Variants in FRMD4A observed in about 807,000 individuals in gnomAD.
The protein encoded by FRMD4A is FERM domain-containing protein 4A.
In FRMD4A, 29 loss-of-function variants were observed where a neutral mutation model predicts 129.1. The ratio of observed to expected loss-of-function variants is 0.22; its 90% confidence interval spans 0.17 to 0.31. The LOEUF (loss-of-function observed/expected upper bound fraction) is 0.31, where lower values mean the gene tolerates loss of function less well. Among genes scored for constraint, FRMD4A ranks in the 10% least tolerant of loss-of-function variants. The probability of loss-of-function intolerance (pLI) is 1.00; values close to 1 mark genes in which losing one functional copy is unlikely to be tolerated. For missense variants in FRMD4A, 1,272 were observed against 1,375.8 expected (o/e 0.92, Z 1.19); for synonymous variants, 634 against 571.6 (o/e 1.11, Z -1.56).
intron 2 of FRMD4A, among the ~76,000 whole-genome samples, chr10:14,208,035 G>A (rs7078792): frequency 0.35 from 53,143 of 151,564 alleles, 9,377 homozygotes; most frequent in East Asian, 0.43. Context: ...CATCTCTACA[G>A]AAAATGCAAA....
intron 2 of FRMD4A, among the ~76,000 whole-genome samples, chr10:14,273,273 T>G (rs1845227782): frequency 6.6e-6 from 1 of 151,976 alleles, no homozygotes; most frequent in Non-Finnish European, 1.5e-5. Flanking sequence ...AAAATATATA[T>G]ATCTTTTTAG....
chr10:13,961,363 C>G (rs2447027), intron 2 of FRMD4A, among the ~76,000 whole-genome samples: 1 of 151,950 alleles, frequency 6.6e-6, no homozygotes, highest in Non-Finnish European at 1.5e-5. Flanking sequence ...TGAGGCTGGG[C>G]GGTGAGGCTT....
At position 13,817,327 on chromosome 10, in the gene FRMD4A, C is replaced by A. The variant is rs1299315168; in HGVS notation, c.112-6419G>T. ...GAACACTGGATGATTCCAGTGGGAA[C>A]TGTTCACGTTCCCAGCATATTACAG... On this transcript the variant is annotated intron_variant, in intron 3 of 24. Transcript: ENST00000357447. 3.9e-5 allele frequency among the ~76,000 whole-genome samples: 6 copies of A among 152,236 alleles called. No homozygotes were observed. The East Asian group carries it at 1.2e-3, about 29-fold the overall frequency.
intron 2 of FRMD4A, among the ~76,000 whole-genome samples, chr10:14,039,399 C>CTATCTATCTATCTATCT (rs1555021803): frequency 5.8e-4 from 83 of 143,218 alleles, no homozygotes; most frequent in East Asian, 2.0e-3. Context: ...TCCATCCATC[C>CTATCTATCTATCTATCT]ATCCATCCAT....
intron 2 of FRMD4A, among the ~76,000 whole-genome samples, chr10:13,966,848 G>C (rs548694904): frequency 1.3e-5 from 2 of 152,348 alleles, no homozygotes; most frequent in South Asian, 2.1e-4. Flanking sequence ...TCAATGAGTG[G>C]ATAAAGAGAT....
intron 2 of FRMD4A, among the ~76,000 whole-genome samples, chr10:14,107,163 C>T (rs1023246282): frequency 1.7e-4 from 26 of 152,002 alleles, no homozygotes; most frequent in Middle Eastern, 3.2e-3. Context: ...TACTCATGGA[C>T]ATAAAGATGG....
chr10:13,771,780 C>G (rs1413558078), intron 6 of FRMD4A, among the ~76,000 whole-genome samples: 1 of 151,930 alleles, frequency 6.6e-6, no homozygotes, highest in Non-Finnish European at 1.5e-5. Context: ...GATGAATGTC[C>G]CTAAAGAGTG....
At chr10:13,966,311 A>C (rs1224207657) in intron 2 of FRMD4A, among the ~76,000 whole-genome samples, 1 of 151,948 alleles carries the variant, frequency 6.6e-6, no homozygotes, top group African/African-American at 2.4e-5. Flanking sequence ...ATTTTTAATG[A>C]TTTTCCTTTT....
chr10:13,832,874 A>G (rs539606321), intron 3 of FRMD4A, among the ~76,000 whole-genome samples: 1 of 152,188 alleles, frequency 6.6e-6, no homozygotes, highest in Admixed American at 6.5e-5. Flanking sequence ...TCCTAGCCTC[A>G]AGCAATCCTC....
chr10:13,987,628 C>A (rs552752585), intron 2 of FRMD4A, among the ~76,000 whole-genome samples: 1 of 152,244 alleles, frequency 6.6e-6, no homozygotes, highest in African/African-American at 2.4e-5. Context: ...GCCAACAGAG[C>A]ATTTTGACTC....
intron 3 of FRMD4A, among the ~76,000 whole-genome samples, chr10:13,843,825 G>C (rs1264679374): frequency 6.6e-6 from 1 of 152,130 alleles, no homozygotes; most frequent in Non-Finnish European, 1.5e-5. Context: ...ACATTATTGT[G>C]CAAGGAGGTG....
At chr10:13,655,660 T>C (rs1001946963) in intron 22 of FRMD4A, 2 of 152,180 alleles carry the variant, frequency 1.3e-5, no homozygotes, top group Admixed American at 1.3e-4. Flanking sequence ...TCTCCTACAG[T>C]TCCCCAAAGA....
At chr10:14,155,472 G>A (rs531398335) in intron 2 of FRMD4A, among the ~76,000 whole-genome samples, 1 of 152,252 alleles carries the variant, frequency 6.6e-6, no homozygotes, top group African/African-American at 2.4e-5. Context: ...TAAAACTCCA[G>A]GGCTTAGCGT....
chr10:14,177,900 T>A (rs1841787831), intron 2 of FRMD4A, among the ~76,000 whole-genome samples: 1 of 152,174 alleles, frequency 6.6e-6, no homozygotes, highest in South Asian at 2.1e-4. Context: ...TGACGAAACC[T>A]CTGGAATCAA....
rs533898629 is a variant in FRMD4A, at chr10:13,814,487, C to G, written c.112-3579G>C. 5.6e-5 allele frequency among the ~76,000 whole-genome samples: 8 copies of G among 143,570 alleles called. No homozygotes were observed. The South Asian group carries it at 1.8e-3, about 32-fold the overall frequency. 94.2% of individuals were successfully genotyped at this position (143,570 alleles called of 152,430 possible). On this transcript the variant is annotated intron_variant, in intron 3 of 24. Transcript: ENST00000357447. ...TCCTAGCTATTCAGGAAGCTCAGAC[C>G]GGAGGATTGCTTGAGTCCAGGAAAT... is the stretch of plus-strand genomic sequence containing the variant.
At chr10:14,267,710 A>T (rs1045935739) in intron 2 of FRMD4A, among the ~76,000 whole-genome samples, 1 of 152,182 alleles carries the variant, frequency 6.6e-6, no homozygotes, top group Non-Finnish European at 1.5e-5. Context: ...AAATAAATAT[A>T]AAGAGATGAG....
chr10:13,765,114 GTTTTTTTT>G (rs1202429085), intron 6 of FRMD4A, among the ~76,000 whole-genome samples: 1 of 105,510 alleles, frequency 9.5e-6, no homozygotes, highest in Non-Finnish European at 1.8e-5. Context: ...TTTTTTTTTT[GTTTTTTTT>G]TTTTTTTTTG....
chr10:13,925,955 T>C (rs1245721823), intron 2 of FRMD4A, among the ~76,000 whole-genome samples: 1 of 151,572 alleles, frequency 6.6e-6, no homozygotes, highest in Non-Finnish European at 1.5e-5. Context: ...TCAGTACATT[T>C]ATATGATTGA....
chr10:13,657,300 C>G lies in FRMD4A; in HGVS notation c.2289G>C (p.Gln763His). 6.2e-7 allele frequency: 1 copy of G among 1,610,414 alleles called. No individual in the cohort carries two copies. The highest frequency in any genetic ancestry group is 8.5e-7 in the Non-Finnish European group (1 of 1,179,480). The change falls in exon 22 of 25, where the codon CAG (glutamine) becomes CAC (histidine). Residue 763 changes from glutamine to histidine, a missense_variant. Physicochemically the swap from Gln to His is conservative, Grantham distance 24. This residue lies in a region of FRMD4A where 972 missense variants were observed against 892.3 expected (regional missense o/e 1.09). Coordinates refer to ENST00000357447, the MANE Select transcript of FRMD4A (RefSeq NM_018027.5). Reference protein sequence around the residue: ...HSSSEHYYPAQMNANYSTLAE... With the variant: ...HSSSEHYYPAHMNANYSTLAE... ...CCAGCGTGGAGTAGTTGGCGTTCAT[C>G]TGCGCCGGGTAGTAGTGCTCCGAGC...
Sources: allele counts gnomAD v4.1 joint callset (sites outside exome capture counted in the v4.1 genomes callset), GRCh38; gene constraint gnomAD v4.1.1; regional missense constraint gnomAD v4.1.1; transcripts MANE v1.5; gene names NCBI Gene and HGNC (gene_info 2026-07-23, HGNC 2026-07-21).